Variants in RGPD8 observed in about 807,000 individuals in gnomAD.
RGPD8 encodes RANBP2 like and GRIP domain containing 8.
A neutral mutation model predicts 89.1 loss-of-function variants in RGPD8; 15 were observed. The ratio of observed to expected loss-of-function variants is 0.17; its 90% CI spans 0.11 to 0.26. The LOEUF (loss-of-function observed/expected upper bound fraction) is 0.26, where lower values mean the gene tolerates loss of function less well. Ranked by LOEUF, RGPD8 falls within the 10% of genes least tolerant of loss-of-function variation. The pLI is 1.00. For missense variants in RGPD8, 178 were observed against 1,179.6 expected, an observed-to-expected ratio of 0.15 and a Z score of 12.44; for synonymous variants, 62 against 420.9, an observed-to-expected ratio of 0.15 and a Z score of 10.44.
In RGPD8 at chr2:112,433,502, C is replaced by T. The variant is rs772556315; in HGVS notation, c.-49G>A. ...GACGCGTGCGAGCACCGCTCAGCCCCGCAGCAGTCGCCACTTCCAAGAGGA... is the reference window on the plus strand; with the variant it reads ...GACGCGTGCGAGCACCGCTCAGCCCTGCAGCAGTCGCCACTTCCAAGAGGA... On this transcript the variant is annotated 5_prime_UTR_variant, in exon 1 of 23. Coordinates refer to ENST00000302558, the MANE Select transcript of RGPD8 (RefSeq NM_001164463.1). The T allele has an allele frequency of 6.4e-7, 1 of 1,565,294 alleles. No homozygotes were observed. The highest frequency in any genetic ancestry group is 1.4e-5 in the African/African-American group (1 of 73,750).
chr2:112,382,251 T>TCCATCCATC (rs1221816898), intron 20 of RGPD8, among the ~76,000 whole-genome samples: 3 of 152,212 alleles, frequency 2.0e-5, no homozygotes, highest in Non-Finnish European at 2.9e-5. Context: ...TAAGCATCCA[T>TCCATCCATC]CCATCCATCC....
chr2:112,416,269 T>C (rs1216412109), intron 6 of RGPD8, among the ~76,000 whole-genome samples: 3 of 152,368 alleles, frequency 2.0e-5, no homozygotes, highest in Middle Eastern at 3.4e-3. Context: ...GTTAGTTCTT[T>C]TAGATACTGC....
At chr2:112,385,663 AATCT>A (rs1369426088) in intron 20 of RGPD8, among the ~76,000 whole-genome samples, 1 of 145,816 alleles carries the variant, frequency 6.9e-6, no homozygotes, top group African/African-American at 2.6e-5. Context: ...AGTTAAATCA[AATCT>A]ATCAATAAAG....
chr2:112,432,382 G>T (rs569237443), intron 1 of RGPD8: 49 of 675,492 alleles, frequency 7.3e-5, no homozygotes, highest in South Asian at 3.3e-4. Flanking sequence ...CGGGCGGGGA[G>T]GGGGGCGAGG....
At chr2:112,428,041 G>A (rs1369715810) in intron 1 of RGPD8, among the ~76,000 whole-genome samples, 4 of 152,298 alleles carry the variant, frequency 2.6e-5, no homozygotes, top group African/African-American at 9.6e-5. Context: ...AAAGAAATGA[G>A]TTTCCCAATT....
chr2:112,426,109 T>A (rs1179543375), intron 1 of RGPD8, among the ~76,000 whole-genome samples: 1 of 152,030 alleles, frequency 6.6e-6, no homozygotes, highest in Admixed American at 6.6e-5. Context: ...CCCCAGTATA[T>A]GATCTTTTTT....
At position 112,389,974 on chromosome 2, in the gene RGPD8, T is replaced by C. The variant is rs1231393781; in HGVS notation, c.2971A>G (p.Asn991Asp). 3 of 1,553,418 alleles carry C rather than the reference T, an allele frequency of 1.9e-6. No homozygotes were observed. In the East Asian group the frequency reaches 6.8e-5, roughly 35 times the overall value. Residue 991 changes from asparagine (N) to aspartate (D), a missense_variant, in exon 20 of 23, where the codon AAT becomes GAT. Transcript: ENST00000302558. Reference sequence around the variant, plus strand: ...CCAGCACCTGAAAATCCCTTGAAATTGAGGTCTTTTTTGCCAAACTGAAAT... The same window carrying C: ...CCAGCACCTGAAAATCCCTTGAAATCGAGGTCTTTTTTGCCAAACTGAAAT... ...EGFQFGKKDL[N>D]FKGFSGAGEK...
chr2:112,374,551 T>C (rs1678060464), intron 22 of RGPD8, among the ~76,000 whole-genome samples: 1 of 137,330 alleles, frequency 7.3e-6, no homozygotes, highest in South Asian at 2.5e-4. Flanking sequence ...CTGGCTGCTT[T>C]TGAGATTTCT....
rs1302126649 is a variant in RGPD8, at chr2:112,433,624, G to A, written c.-171C>T. ...CACGGAGGCCCACTGTGACGAACCT[G>A]CGTTCTGCCTCAGCACTGTGTATCC... On this transcript the variant is annotated 5_prime_UTR_variant, in exon 1 of 23. Transcript: ENST00000302558. 3.9e-6 allele frequency: 3 copies of A among 766,966 alleles called. No homozygotes were observed. The highest frequency in any genetic ancestry group is 6.1e-6 in the Non-Finnish European group (3 of 488,094). The allele number at this position is 766,966 out of a possible 1,614,324, so 47.5% of individuals were successfully genotyped here.
chr2:112,411,157 C>T (rs1280543095), intron 7 of RGPD8, among the ~76,000 whole-genome samples: 4 of 152,228 alleles, frequency 2.6e-5, no homozygotes, highest in Admixed American at 6.5e-5. Flanking sequence ...TTTCCCTCCC[C>T]AAGCAAAAAA....
At chr2:112,380,669 A>AAAAG (rs1475379824) in intron 21 of RGPD8, among the ~76,000 whole-genome samples, 155 bp downstream of exon 21, 2 of 150,236 alleles carry the variant, frequency 1.3e-5, no homozygotes, top group African/African-American at 4.9e-5. Context: ...AAAAAAAAAA[A>AAAAG]AAGGCAATAT....
chr2:112,379,343 T>C (rs1396993293), intron 21 of RGPD8, among the ~76,000 whole-genome samples: 1 of 151,244 alleles, frequency 6.6e-6, no homozygotes, highest in African/African-American at 2.4e-5. Context: ...ATGCCTGTAA[T>C]CCCAACACTT....
At chr2:112,416,088 CAAAAAAAA>C (rs1168507298) in intron 6 of RGPD8, among the ~76,000 whole-genome samples, 62 of 88,894 alleles carry the variant, frequency 7.0e-4, no homozygotes, top group African/African-American at 2.8e-3. Flanking sequence ...GACTCCATCT[CAAAAAAAA>C]AAAAAAAAAA....
intron 22 of RGPD8, among the ~76,000 whole-genome samples, chr2:112,370,494 T>G (rs1677933976): frequency 9.4e-6 from 1 of 106,720 alleles, no homozygotes; most frequent in Non-Finnish European, 1.8e-5. Flanking sequence ...CACCTCAGCC[T>G]CCCAAGCAAC....
intron 1 of RGPD8, chr2:112,432,537 C>A (rs1368328994): frequency 1.5e-5 from 15 of 985,282 alleles, no homozygotes; most frequent in Admixed American, 6.1e-5. Flanking sequence ...TACCTTGTCA[C>A]TCGACGCAGC....
At chr2:112,428,154 C>T (rs576694270) in intron 1 of RGPD8, among the ~76,000 whole-genome samples, 2 of 152,206 alleles carry the variant, frequency 1.3e-5, no homozygotes, top group East Asian at 3.9e-4. Context: ...TTCAAAATTG[C>T]AAAAAAAATT....
intron 1 of RGPD8, among the ~76,000 whole-genome samples, chr2:112,430,154 A>G (rs1305346421): frequency 6.6e-6 from 1 of 152,202 alleles, no homozygotes; most frequent in East Asian, 1.9e-4. Context: ...GGAAGACTAG[A>G]AAGATATGAT....
Position 112,414,201 on chromosome 2 carries a change from C to T in RGPD8, c.783-1575G>A, listed in dbSNP as rs1290360715. ...ATAAAAAATGCTATTATTGGCCCTG[C>T]GCAGTGGCTCACACATGTAATTCCA... On this transcript the variant is annotated intron_variant, in intron 6 of 22. Transcript: ENST00000302558. Among the ~76,000 whole-genome samples the T allele has an allele frequency of 4.3e-5, 6 of 140,530 alleles. 1 individual carries two copies. Among genetic ancestry groups the T allele is most frequent in the South Asian group, 2.3e-4 (1 of 4,438 alleles). The allele number at this position is 140,530 out of a possible 152,430, so 92.2% of individuals were successfully genotyped here. A position where few individuals can be genotyped will look rare whatever the true frequency, so the allele number is the denominator to read the frequency against.
chr2:112,431,885 C>G (rs1680057785), intron 1 of RGPD8, among the ~76,000 whole-genome samples: 1 of 152,230 alleles, frequency 6.6e-6, no homozygotes, highest in South Asian at 2.1e-4. Context: ...GGCAATCCGC[C>G]CTCCTCGGCC....
Sources: gnomAD v4.1 joint callset for allele counts (sites outside exome capture counted in the v4.1 genomes callset) on GRCh38, gnomAD v4.1.1 for gene constraint, MANE v1.5 for transcripts, NCBI Gene and HGNC (gene_info 2026-07-23, HGNC 2026-07-21) for gene names.